The following CIT variants were observed in gnomAD, a reference collection of about 807,000 sequenced individuals.
The protein encoded by CIT is citron Rho-interacting kinase.
Under a neutral mutation model 272.7 loss-of-function variants are expected in CIT, and 79 were observed. The ratio of observed to expected loss-of-function variants is 0.29; its 90% CI spans 0.24 to 0.35. CIT has a LOEUF of 0.35. CIT is among the 10% of genes least tolerant of loss of function. The probability of loss-of-function intolerance (pLI) is 1.00; values close to 1 mark genes in which losing one functional copy is unlikely to be tolerated. For synonymous variants in CIT, 948 were observed against 995.6 expected (o/e 0.95, Z 0.90); for missense variants, 1,909 against 2,618.3 (o/e 0.73, Z 5.91).
intron 10 of CIT, among the ~76,000 whole-genome samples, chr12:119,800,630 GT>G (rs1593795915): frequency 6.6e-6 from 1 of 152,186 alleles, no homozygotes; most frequent in Non-Finnish European, 1.5e-5. Context: ...CCTCAGTGGT[GT>G]GAAGAATGAG....
At chr12:119,701,207 T>TGGGGAG (rs1215978105) in intron 43 of CIT, among the ~76,000 whole-genome samples, 2 of 24,060 alleles carry the variant, frequency 8.3e-5, no homozygotes, top group Non-Finnish European at 1.3e-4. Flanking sequence ...AGGGAGGGGA[T>TGGGGAG]GGGGAGGGGG....
chr12:119,818,152 T>G (rs1032899370), intron 9 of CIT, among the ~76,000 whole-genome samples: 1 of 152,214 alleles, frequency 6.6e-6, no homozygotes, highest in African/African-American at 2.4e-5. Context: ...CTTGGCCAAG[T>G]TACCACAGTA....
At chr12:119,703,619 T>C (rs1449191261) in intron 41 of CIT, among the ~76,000 whole-genome samples, 1 of 151,954 alleles carries the variant, frequency 6.6e-6, no homozygotes, top group Non-Finnish European at 1.5e-5. Flanking sequence ...AGAGACAGGG[T>C]TTCACCATGT....
intron 20 of CIT, among the ~76,000 whole-genome samples, chr12:119,760,336 A>G (rs1460231506): frequency 1.3e-5 from 2 of 152,070 alleles, no homozygotes; most frequent in African/African-American, 2.4e-5. Context: ...GCAAGTAAAA[A>G]GAAGAGAAGT....
chr12:119,832,606 T>G (rs535392793), intron 7 of CIT, among the ~76,000 whole-genome samples, 165 bp downstream of exon 7: 55 of 152,240 alleles, frequency 3.6e-4, no homozygotes, highest in South Asian at 1.5e-3. Flanking sequence ...AATAAAAAGG[T>G]GCCACGGTCT....
At position 119,728,050 on chromosome 12, in the gene CIT, T is replaced by A; in HGVS notation, c.3591+452A>T. Among the ~76,000 whole-genome samples the A allele has an allele frequency of 6.6e-6, 1 of 152,062 alleles. No individual in the cohort carries two copies. The highest frequency in any genetic ancestry group is 1.5e-5 in the Non-Finnish European group (1 of 68,036). ...GCTACATCCTGTGTGATTCCAGATA[T>A]GCAACATTCTGGAAAAGGGAAAACT... On this transcript the variant is annotated intron_variant, in intron 28 of 47. Transcript: ENST00000392521. This position sits in a 1 kb window ranked among gnomAD's most constrained non-coding sequence, Gnocchi z 4.3.
intron 46 of CIT, among the ~76,000 whole-genome samples, chr12:119,692,875 A>C (rs910764444): frequency 6.6e-6 from 1 of 152,246 alleles, no homozygotes; most frequent in African/African-American, 2.4e-5. Context: ...CTGTCTCTGC[A>C]GCAGTAAGAT....
chr12:119,810,494 G>A (rs1050753650), intron 9 of CIT, among the ~76,000 whole-genome samples: 2 of 152,000 alleles, frequency 1.3e-5, no homozygotes, highest in Non-Finnish European at 2.9e-5. Context: ...AAGGTCAGGA[G>A]TTTGAGACCA....
At chr12:119,693,663 T>C (rs542631444) in intron 46 of CIT, among the ~76,000 whole-genome samples, 1 of 152,348 alleles carries the variant, frequency 6.6e-6, no homozygotes, top group East Asian at 1.9e-4. Flanking sequence ...CAGTCACTCT[T>C]GAAGCAGGGC....
chr12:119,774,417 C>A (rs1304615206), intron 16 of CIT, among the ~76,000 whole-genome samples: 6 of 152,098 alleles, frequency 3.9e-5, no homozygotes, highest in Admixed American at 3.9e-4. Flanking sequence ...TTCATTCTGG[C>A]CCTTCCATTA....
chr12:119,803,786 C>T (rs1000812615), intron 9 of CIT, among the ~76,000 whole-genome samples: 5 of 152,112 alleles, frequency 3.3e-5, no homozygotes, highest in African/African-American at 1.2e-4. Flanking sequence ...CCTATGGATT[C>T]CCTCCTCCAG....
Position 119,710,384 on chromosome 12 carries a change from C to A in CIT, c.4938G>T (p.Val1646=). ...GCCCTTCCTCGGTGCCCACCAACAC[C>A]ACCTGCAAGGGCAGAAGTCCGAAGG... The part of the protein sequence containing the change: ...MNCTLPFSDQ[V]VLVGTEEGLY... Residue 1646 remains valine (V), a splice_region_variant and synonymous_variant, in exon 39 of 48, where the codon GTG becomes GTT. Transcript: ENST00000392521. This position sits in a 1 kb window ranked among gnomAD's most constrained non-coding sequence, Gnocchi z 5.6. 6.2e-7 allele frequency: 1 copy of A among 1,614,098 alleles called. No homozygotes were observed. Among genetic ancestry groups the A allele is most frequent in the South Asian group, 1.1e-5 (1 of 91,072 alleles).
chr12:119,845,926 G>T (rs1015051020), intron 5 of CIT, among the ~76,000 whole-genome samples: 1 of 144,774 alleles, frequency 6.9e-6, no homozygotes, highest in Non-Finnish European at 1.5e-5. Context: ...GGGCAACACG[G>T]CAAGACTCCA....
chr12:119,692,591 C>T (rs902001808), intron 46 of CIT, among the ~76,000 whole-genome samples: 13 of 152,214 alleles, frequency 8.5e-5, no homozygotes, highest in African/African-American at 3.1e-4. Flanking sequence ...TCTGGTTATG[C>T]ATTGTCTTAC....
chr12:119,793,738 G>A (rs1965506371), intron 10 of CIT, among the ~76,000 whole-genome samples: 1 of 152,184 alleles, frequency 6.6e-6, no homozygotes, highest in South Asian at 2.1e-4. Context: ...TGATATTCTG[G>A]AAGAATGCAC....
chr12:119,828,383 A>T (rs1160809800), intron 7 of CIT, among the ~76,000 whole-genome samples: 1 of 152,112 alleles, frequency 6.6e-6, no homozygotes, highest in Non-Finnish European at 1.5e-5. Context: ...CCCCAAGCAC[A>T]TTAAACCTGT....
chr12:119,720,511 T>C lies in CIT; in HGVS notation c.3807A>G (p.Gln1269=). ...TTTTAGCAGGTTGGTCCATTTTGGCTTGCAGAAAATCAATGAGTTTGGTTT... is the reference window on the plus strand; with the variant it reads ...TTTTAGCAGGTTGGTCCATTTTGGCCTGCAGAAAATCAATGAGTTTGGTTT... ...SQQTKLIDFL[Q]AKMDQPAKKK... The change falls in exon 30 of 48, where the codon CAA becomes CAG. Residue 1269 remains glutamine (Q), a synonymous_variant. Transcript: ENST00000392521. 1 of 1,611,138 alleles carries C rather than the reference T, an allele frequency of 6.2e-7. No homozygotes were observed. Among genetic ancestry groups the C allele is most frequent in the Non-Finnish European group, 8.5e-7 (1 of 1,179,380 alleles).
At chr12:119,824,877 T>A (rs974412338) in intron 8 of CIT, among the ~76,000 whole-genome samples, 3 of 152,144 alleles carry the variant, frequency 2.0e-5, no homozygotes, top group Admixed American at 2.0e-4. Flanking sequence ...TGGCTCACTG[T>A]AAGCTCCGCC....
At chr12:119,851,379 G>A (rs141136076) in intron 4 of CIT, among the ~76,000 whole-genome samples, 53 of 152,288 alleles carry the variant, frequency 3.5e-4, no homozygotes, top group Middle Eastern at 3.4e-3. Flanking sequence ...CACACCGGTA[G>A]CAATGAAAAC....
Sources: gnomAD v4.1 joint callset for allele counts (sites outside exome capture counted in the v4.1 genomes callset) on GRCh38, gnomAD v4.1.1 for gene constraint, Gnocchi (gnomAD v3.1) non-coding constraint, MANE v1.5 for transcripts, NCBI Gene and HGNC (gene_info 2026-07-23, HGNC 2026-07-21) for gene names.